GALNT18: variants seen among roughly 807,000 people sequenced by gnomAD.
The protein encoded by GALNT18 is polypeptide N-acetylgalactosaminyltransferase 18, also known as GalNAc-transferase 18.
GALNT18 carries 44 observed loss-of-function variants against 69.5 expected under a neutral mutation model. That is an observed-to-expected ratio of 0.63 (90% CI 0.50 to 0.81). GALNT18 has a LOEUF of 0.81. GALNT18 is among the 40% of genes least tolerant of loss of function. The pLI is 0.00. For missense variants in GALNT18, 715 were observed against 810.0 expected (o/e 0.88, Z 1.42); for synonymous variants, 364 against 318.2 (o/e 1.14, Z -1.53).
At chr11:11,271,844 ATGTT>A (rs1486794583) in intron 10 of GALNT18, among the ~76,000 whole-genome samples, 35 of 152,346 alleles carry the variant, frequency 2.3e-4, no homozygotes, top group Admixed American at 2.1e-3. Flanking sequence ...AGGTTCCAGA[ATGTT>A]TGTAGCCATT....
At chr11:11,388,799 TA>T (rs1854112709) in intron 3 of GALNT18, among the ~76,000 whole-genome samples, 2 of 152,252 alleles carry the variant, frequency 1.3e-5, no homozygotes, top group Admixed American at 6.5e-5. Flanking sequence ...AACAATGATA[TA>T]TTATGCACAT....
chr11:11,430,706 C>T lies in GALNT18; in HGVS notation c.595+1915G>A, dbSNP rs1589995268. 6.6e-6 allele frequency among the ~76,000 whole-genome samples: 1 copy of T among 152,206 alleles called. No homozygotes were observed. Among genetic ancestry groups the T allele is most frequent in the South Asian group, 2.1e-4 (1 of 4,824 alleles). Reference sequence around the variant, plus strand: ...GACCTCCCCTCTGTTGGCCCGCCTGCCCATGGCTTCTCAGCCAAATGGTCC... The same window carrying T: ...GACCTCCCCTCTGTTGGCCCGCCTGTCCATGGCTTCTCAGCCAAATGGTCC... On this transcript the variant is annotated intron_variant, in intron 3 of 10. Coordinates refer to ENST00000227756, the MANE Select transcript of GALNT18 (RefSeq NM_198516.3). The surrounding 1 kb of genome is among the most constrained non-coding windows in gnomAD (Gnocchi z 4.9).
At chr11:11,476,473 A>T (rs1189602592) in intron 1 of GALNT18, 1 of 152,206 alleles carries the variant, frequency 6.6e-6, no homozygotes, top group Non-Finnish European at 1.5e-5. Flanking sequence ...AAAGGCAATA[A>T]ATAAGCAAAT....
intron 9 of GALNT18, among the ~76,000 whole-genome samples, chr11:11,311,086 A>T (rs146970533): frequency 6.6e-6 from 1 of 152,218 alleles, no homozygotes; most frequent in African/African-American, 2.4e-5. Flanking sequence ...TCTTGTAGGG[A>T]CACTGCTGGT....
At chr11:11,477,186 C>A (rs1182866072) in intron 1 of GALNT18, among the ~76,000 whole-genome samples, 1 of 152,192 alleles carries the variant, frequency 6.6e-6, no homozygotes, top group East Asian at 1.9e-4. Flanking sequence ...GTGGCCAAAC[C>A]CAGAACCCAT....
chr11:11,279,607 C>T lies in GALNT18; in HGVS notation c.1678-8317G>A, dbSNP rs11021746. Among the ~76,000 whole-genome samples, 22 of 119,604 alleles carry T rather than the reference C, an allele frequency of 1.8e-4. No individual in the cohort carries two copies. The East Asian group carries it at 5.2e-3, about 28-fold the overall frequency. The allele number at this position is 119,604 out of a possible 152,430, so 78.5% of individuals were successfully genotyped here. A position where few individuals can be genotyped will look rare whatever the true frequency, so the allele number is the denominator to read the frequency against. ...AAAACTATAGCTATACTCGATAAAT[C>T]TCACCAATACAATGTCGAGCAGAAG... On this transcript the variant is annotated intron_variant, in intron 10 of 10. Coordinates refer to ENST00000227756, the MANE Select transcript of GALNT18 (RefSeq NM_198516.3).
At position 11,600,108 on chromosome 11, in the gene GALNT18, G is replaced by A. The variant is rs900848290; in HGVS notation, c.235+21251C>T. ...TATATTACATTTCTATATAAGCTCA[G>A]CAGTACAATAATTTGCATTTTTATG... On this transcript the variant is annotated intron_variant, in intron 1 of 10. Transcript: ENST00000227756. The surrounding 1 kb of genome is among the most constrained non-coding windows in gnomAD (Gnocchi z 4.8). Among the ~76,000 whole-genome samples, 1 of 151,926 alleles carries A rather than the reference G, an allele frequency of 6.6e-6. No homozygotes were observed. Among genetic ancestry groups the A allele is most frequent in the African/African-American group, 2.4e-5 (1 of 41,344 alleles).
chr11:11,381,989 C>T (rs1385984479), intron 3 of GALNT18, among the ~76,000 whole-genome samples: 1 of 152,170 alleles, frequency 6.6e-6, no homozygotes, highest in Non-Finnish European at 1.5e-5. Context: ...TCCTGATGCA[C>T]AGGAAATGCA....
rs7936380 is a variant in GALNT18, at chr11:11,444,586, A to C, written c.428+4158T>G. On this transcript the variant is annotated intron_variant, in intron 2 of 10. Coordinates refer to ENST00000227756, the MANE Select transcript of GALNT18 (RefSeq NM_198516.3). This position sits in a 1 kb window ranked among gnomAD's most constrained non-coding sequence, Gnocchi z 4.4. ...TTGTGTCCTGTCTTGTCTATAAGGCACTGGCACAGCATGGTCCTATCTCAG... is the reference window on the plus strand; with the variant it reads ...TTGTGTCCTGTCTTGTCTATAAGGCCCTGGCACAGCATGGTCCTATCTCAG... 0.011 allele frequency among the ~76,000 whole-genome samples: 1,600 copies of C among 152,262 alleles called. 29 individuals carry two copies. The highest frequency in any genetic ancestry group is 0.036 in the African/African-American group (1,489 of 41,540).
chr11:11,435,392 C>T lies in GALNT18; in HGVS notation c.429-2605G>A, dbSNP rs547082094. On this transcript the variant is annotated intron_variant, in intron 2 of 10. Coordinates refer to ENST00000227756, the MANE Select transcript of GALNT18 (RefSeq NM_198516.3). This position sits in a 1 kb window ranked among gnomAD's most constrained non-coding sequence, Gnocchi z 4.4. ...CTGGTCTCCGGATGGTCTTTCTCCA[C>T]GCAGAATGAAATGCTGTATTTGTAT... 8.5e-5 allele frequency among the ~76,000 whole-genome samples: 13 copies of T among 152,294 alleles called. No homozygotes were observed. Among genetic ancestry groups the T allele is most frequent in the South Asian group, 4.2e-4 (2 of 4,814 alleles).
Position 11,293,047 on chromosome 11 carries a change from A to C in GALNT18, c.1659T>G (p.Leu553=). ...CTGTTACCTGAGAGAACTGCCAGTG[A>C]AGCTTCATCCTCTTGGCTTTGGCGT... ...CSYAKAKRMK[L]HWQFSQGGPI... Residue 553 remains leucine (L), a synonymous_variant, in exon 10 of 11, where the codon CTT becomes CTG. Transcript: ENST00000227756. 3 of 1,385,346 alleles carry C rather than the reference A, an allele frequency of 2.2e-6. No individual in the cohort carries two copies. Among genetic ancestry groups the C allele is most frequent in the Admixed American group, 2.9e-5 (1 of 34,546 alleles). 85.8% of individuals were successfully genotyped at this position (1,385,346 alleles called of 1,614,324 possible).
intron 4 of GALNT18, 45 bp downstream of exon 4, chr11:11,379,036 C>T (rs1388681694): frequency 6.7e-7 from 1 of 1,502,276 alleles, no homozygotes; most frequent in African/African-American, 1.4e-5. Context: ...AGCTGAAGCC[C>T]CAGATCCCAC....
At chr11:11,610,747 T>G (rs967819178) in intron 1 of GALNT18, among the ~76,000 whole-genome samples, 1 of 152,238 alleles carries the variant, frequency 6.6e-6, no homozygotes, top group Non-Finnish European at 1.5e-5. Flanking sequence ...ATCCATTTAT[T>G]ATTAAAAATG....
rs182451391 is a variant in GALNT18, at chr11:11,445,351, T to G, written c.428+3393A>C. On this transcript the variant is annotated intron_variant, in intron 2 of 10. Transcript: ENST00000227756. ...TTTACTGTGAAGACTCAAGGAGTTC[T>G]TATAAATTAAGTGACAAACATATGC... Among the ~76,000 whole-genome samples, 419 of 152,364 alleles carry G rather than the reference T, an allele frequency of 2.7e-3. 2 individuals carry two copies. Among genetic ancestry groups the G allele is most frequent in the African/African-American group, 9.6e-3 (399 of 41,582 alleles).
intron 1 of GALNT18, among the ~76,000 whole-genome samples, chr11:11,530,779 C>T (rs1857627544): frequency 6.6e-6 from 1 of 152,206 alleles, no homozygotes; most frequent in African/African-American, 2.4e-5. Flanking sequence ...CTCTTGTCAA[C>T]CAGCACCACA....
chr11:11,547,023 G>T (rs749391201), intron 1 of GALNT18, among the ~76,000 whole-genome samples: 1 of 152,062 alleles, frequency 6.6e-6, no homozygotes, highest in Non-Finnish European at 1.5e-5. Flanking sequence ...AGGCAGCTTG[G>T]CTACTACTTT....
At chr11:11,280,017 G>A (rs541677765) in intron 10 of GALNT18, among the ~76,000 whole-genome samples, 1 of 152,246 alleles carries the variant, frequency 6.6e-6, no homozygotes, top group African/African-American at 2.4e-5. Context: ...GTGTGTGTTG[G>A]GAGGGGACAT....
chr11:11,274,293 T>C (rs1052343322), intron 10 of GALNT18, among the ~76,000 whole-genome samples: 1 of 152,184 alleles, frequency 6.6e-6, no homozygotes, highest in African/African-American at 2.4e-5. Context: ...GTTTTTGTTT[T>C]TGTTTTTTTC....
chr11:11,379,393 T>A (rs1853856004), intron 3 of GALNT18, 129 bp from the exon 4 acceptor site: 1 of 833,452 alleles, frequency 1.2e-6, no homozygotes, highest in African/African-American at 1.7e-5. Flanking sequence ...TCCCTGGGTC[T>A]TCTTCAGTGG....
Sources: allele counts gnomAD v4.1 joint callset (sites outside exome capture counted in the v4.1 genomes callset), GRCh38; gene constraint gnomAD v4.1.1; non-coding constraint Gnocchi (gnomAD v3.1); transcripts MANE v1.5; gene names NCBI Gene and HGNC (gene_info 2026-07-23, HGNC 2026-07-21).